Variants in FAM114A1 observed in about 807,000 individuals in gnomAD.
FAM114A1 encodes family with sequence similarity 114 member A1, also known as protein NOXP20.
A neutral mutation model predicts 64.3 loss-of-function variants in FAM114A1; 62 were observed. The ratio of observed to expected loss-of-function variants is 0.96; its 90% CI spans 0.79 to 1.19. The LOEUF is 1.19. FAM114A1 is among the 50% of genes most tolerant of loss of function. The pLI is 0.00. For missense variants in FAM114A1, 645 were observed against 676.3 expected (o/e 0.95, Z 0.51); for synonymous variants, 254 against 251.1 (o/e 1.01, Z -0.11).
intron 9 of FAM114A1, among the ~76,000 whole-genome samples, chr4:38,925,731 T>C (rs1037329743): frequency 1.3e-5 from 2 of 152,226 alleles, no homozygotes; most frequent in Admixed American, 1.3e-4. Context: ...GAAGAGATTT[T>C]AAAAGGCCAT....
chr4:38,914,836 G>T, intron 7 of FAM114A1, 85 bp from the exon 8 acceptor site: 1 of 1,459,520 alleles, frequency 6.9e-7, no homozygotes, highest in Non-Finnish European at 9.2e-7. Context: ...CACAAAATCA[G>T]TCCTCCCAAC....
Position 38,891,782 on chromosome 4 carries a change from TG to T in FAM114A1, c.392del (p.Gly131AspfsTer15), listed in dbSNP as rs752288988. On this transcript the variant is annotated frameshift_variant, in exon 4 of 15. Coordinates refer to ENST00000358869, the MANE Select transcript of FAM114A1 (RefSeq NM_138389.4). LOFTEE classifies it high-confidence loss of function. ...SPPSGGGWAG[W>X]GSWGKSLLSS... Reference sequence around the variant, plus strand: ...TCCAAGTGGAGGAGGATGGGCAGGCTGGGGATCCTGGGGCAAATCTCTGCTG... The same window carrying T: ...TCCAAGTGGAGGAGGATGGGCAGGCTGGGATCCTGGGGCAAATCTCTGCTG... 8 of 1,612,642 alleles carry T rather than the reference TG, an allele frequency of 5.0e-6. No homozygotes were observed. The Admixed American group carries it at 1.0e-4, about 20-fold the overall frequency.
At position 38,936,315 on chromosome 4, in the gene FAM114A1, C is replaced by T. The variant is rs373344554; in HGVS notation, c.1536+525C>T. On this transcript the variant is annotated intron_variant, in intron 13 of 14. Transcript: ENST00000358869. ...TTCACCGTGTTAGCCAGGATGGTTTCGATCTCCTGACCTCGTGATCCGCCC... is the reference window on the plus strand; with the variant it reads ...TTCACCGTGTTAGCCAGGATGGTTTTGATCTCCTGACCTCGTGATCCGCCC... Among the ~76,000 whole-genome samples the T allele has an allele frequency of 4.8e-3, 726 of 151,716 alleles. 16 individuals carry two copies. The South Asian group carries it at 0.055, about 11-fold the overall frequency.
At chr4:38,897,397 C>T (rs915058172) in intron 4 of FAM114A1, among the ~76,000 whole-genome samples, 2 of 152,290 alleles carry the variant, frequency 1.3e-5, no homozygotes, top group Admixed American at 1.3e-4. Context: ...ATTATGTCTA[C>T]TCTATTTTTA....
At chr4:38,914,706 C>T (rs1317138587) in intron 7 of FAM114A1, 3 of 493,482 alleles carry the variant, frequency 6.1e-6, no homozygotes, top group Non-Finnish European at 1.0e-5. Flanking sequence ...TTTGTTTTGC[C>T]TTTCACATAA....
At chr4:38,935,678 T>G in intron 12 of FAM114A1, 40 bp from the exon 13 acceptor site, 1 of 1,425,534 alleles carries the variant, frequency 7.0e-7, no homozygotes. Flanking sequence ...TATTTTACCT[T>G]ATTGAAAACA....
chr4:38,940,885 C>A (rs1721531097), intron 13 of FAM114A1, 83 bp from the exon 14 acceptor site: 1 of 1,418,214 alleles, frequency 7.1e-7, no homozygotes, highest in Non-Finnish European at 9.9e-7. Context: ...GATCCCTCAA[C>A]AAAGCTAGTG....
At position 38,891,836 on chromosome 4, in the gene FAM114A1, C is replaced by T. The variant is rs770323117; in HGVS notation, c.436+6C>T. 1.2e-6 allele frequency: 2 copies of T among 1,606,164 alleles called. No individual in the cohort carries two copies. The highest frequency in any genetic ancestry group is 4.5e-5 in the East Asian group (2 of 44,664). On this transcript the variant is annotated splice_donor_region_variant and intron_variant, in intron 4 of 14. Transcript: ENST00000358869. ...GTCAGCATCTGCCACAGTAGGTAAG[C>T]ATTGTATGTTGCATTGGAATAGACA...
At chr4:38,911,938 T>C (rs1421896665) in intron 7 of FAM114A1, among the ~76,000 whole-genome samples, 1 of 145,876 alleles carries the variant, frequency 6.9e-6, no homozygotes. Context: ...CTTGACTCAC[T>C]GCAACCTCCG....
chr4:38,910,455 T>C (rs192688654), intron 7 of FAM114A1, among the ~76,000 whole-genome samples: 107 of 152,340 alleles, frequency 7.0e-4, no homozygotes, highest in African/African-American at 2.5e-3. Flanking sequence ...CCACATCTTC[T>C]GGCCTCATCA....
chr4:38,893,895 G>A (rs776651098), intron 4 of FAM114A1, among the ~76,000 whole-genome samples: 1 of 152,108 alleles, frequency 6.6e-6, no homozygotes, highest in Non-Finnish European at 1.5e-5. Context: ...AGGCATGGTG[G>A]CTCACGCCTG....
chr4:38,889,048 A>T (rs2109595293), intron 3 of FAM114A1, among the ~76,000 whole-genome samples: 1 of 152,338 alleles, frequency 6.6e-6, no homozygotes, highest in Middle Eastern at 3.4e-3. Context: ...AAAGCAATTG[A>T]AGTAGTCACT....
Position 38,908,948 on chromosome 4 carries a change from G to A in FAM114A1, c.792+222G>A, listed in dbSNP as rs113438512. Among the ~76,000 whole-genome samples, 227 of 152,232 alleles carry A rather than the reference G, an allele frequency of 1.5e-3. 1 individual carries two copies. The highest frequency in any genetic ancestry group is 5.3e-3 in the African/African-American group (221 of 41,530). ...TTCCTTAAGGATTCTATCAGAGACC[G>A]CAGAGAGATATGGATATAGATCTAT... On this transcript the variant is annotated intron_variant, in intron 7 of 14. Transcript: ENST00000358869.
intron 6 of FAM114A1, among the ~76,000 whole-genome samples, chr4:38,907,774 T>C (rs1319122529): frequency 2.6e-5 from 4 of 152,214 alleles, no homozygotes; most frequent in Admixed American, 2.6e-4. Flanking sequence ...TTTTTATATA[T>C]GGTGGGGAAA....
At position 38,895,850 on chromosome 4, in the gene FAM114A1, T is replaced by C. The variant is rs532794286; in HGVS notation, c.436+4020T>C. Among the ~76,000 whole-genome samples the C allele has an allele frequency of 8.5e-5, 13 of 152,356 alleles. No individual in the cohort carries two copies. In the East Asian group the frequency reaches 2.5e-3, roughly 29 times the overall value. ...TGTAACACAATAATAAGTATTTGTG[T>C]ATTTCACACATCTAAACATAGAAAA... On this transcript the variant is annotated intron_variant, in intron 4 of 14. Transcript: ENST00000358869.
At chr4:38,919,061 G>A (rs554508325) in intron 8 of FAM114A1, among the ~76,000 whole-genome samples, 2 of 152,270 alleles carry the variant, frequency 1.3e-5, no homozygotes, top group African/African-American at 2.4e-5. Context: ...GCTGAGGCAC[G>A]AGAGTCACTT....
intron 4 of FAM114A1, among the ~76,000 whole-genome samples, chr4:38,900,293 G>A (rs1717392463): frequency 6.6e-6 from 1 of 151,752 alleles, no homozygotes; most frequent in African/African-American, 2.4e-5. Context: ...TGTGCTCTTG[G>A]TGGGGTTATA....
intron 4 of FAM114A1, among the ~76,000 whole-genome samples, chr4:38,894,232 G>A (rs1018430125): frequency 4.0e-5 from 6 of 149,268 alleles, no homozygotes; most frequent in South Asian, 4.3e-4. Context: ...GACTTGATCC[G>A]ACGTCATTGT....
intron 4 of FAM114A1, among the ~76,000 whole-genome samples, chr4:38,892,268 T>C (rs112710639): frequency 1.3e-5 from 2 of 152,324 alleles, no homozygotes; most frequent in African/African-American, 4.8e-5. Context: ...AAAAGGCATT[T>C]CATTAGCAGG....
Sources: allele counts gnomAD v4.1 joint callset (sites outside exome capture counted in the v4.1 genomes callset), GRCh38; gene constraint gnomAD v4.1.1; transcripts MANE v1.5; gene names NCBI Gene and HGNC (gene_info 2026-07-23, HGNC 2026-07-21).